Variants in GRM7 observed in about 807,000 individuals in gnomAD.
GRM7 encodes metabotropic glutamate receptor 7.
Under a neutral mutation model 84.5 loss-of-function variants are expected in GRM7, and 35 were observed. The observed-to-expected ratio is 0.41, with a 90% CI of 0.32 to 0.55. GRM7 has a LOEUF of 0.55. GRM7 is among the 20% of genes least tolerant of loss of function. GRM7 has a pLI of 0.19. For synonymous variants in GRM7, 487 were observed against 455.1 expected, an observed-to-expected ratio of 1.07 and a Z score of -0.89; for missense variants, 1,003 against 1,194.6, an observed-to-expected ratio of 0.84 and a Z score of 2.36.
intron 4 of GRM7, among the ~76,000 whole-genome samples, chr3:7,407,945 A>G (rs1407809422): frequency 2.6e-5 from 4 of 152,194 alleles, no homozygotes; most frequent in African/African-American, 7.2e-5. Context: ...GTTAGCTTAC[A>G]TTTACACACT....
chr3:7,109,661 G>A (rs142913669), intron 1 of GRM7, among the ~76,000 whole-genome samples: 86 of 152,102 alleles, frequency 5.7e-4, no homozygotes, highest in Non-Finnish European at 7.9e-4. Context: ...TTTTCATTTC[G>A]TCCGCTATAG....
At chr3:7,250,537 A>G (rs372976555) in intron 2 of GRM7, among the ~76,000 whole-genome samples, 151,520 of 151,526 alleles carry the variant, frequency 1, 75,757 homozygotes, top group Middle Eastern at 1. Flanking sequence ...TTTGGAAAAA[A>G]TCCAAAAAAA....
intron 4 of GRM7, among the ~76,000 whole-genome samples, chr3:7,353,392 G>A (rs568290074): frequency 5.3e-4 from 80 of 152,114 alleles, no homozygotes; most frequent in African/African-American, 1.8e-3. Context: ...TATTGATATG[G>A]GCCCACTAAA....
intron 1 of GRM7, among the ~76,000 whole-genome samples, chr3:6,945,258 T>G (rs2048963473): frequency 7.4e-6 from 1 of 135,258 alleles, no homozygotes; most frequent in Non-Finnish European, 1.5e-5. Context: ...TTCCCCTTCC[T>G]GTGTCCATGT....
At position 7,726,463 on chromosome 3, in the gene GRM7, C is replaced by G. The variant is rs183021447; in HGVS notation, c.2699-13894C>G. Among the ~76,000 whole-genome samples, 474 of 151,250 alleles carry G rather than the reference C, an allele frequency of 3.1e-3. 4 individuals carry two copies. Among genetic ancestry groups the G allele is most frequent in the African/African-American group, 0.01 (422 of 41,232 alleles). On this transcript the variant is annotated intron_variant, in intron 9 of 9. Transcript: ENST00000357716. ...AAAATGTAAAAAACATTTAATTCAA[C>G]TACCCTAATAGAGCTTTATAAATCA... is the stretch of plus-strand genomic sequence containing the variant.
intron 1 of GRM7, among the ~76,000 whole-genome samples, chr3:6,978,665 G>A (rs1474615691): frequency 6.6e-6 from 1 of 152,152 alleles, no homozygotes; most frequent in African/African-American, 2.4e-5. Flanking sequence ...GTGAGTGGGG[G>A]AGATGATGAC....
At chr3:7,545,623 T>G (rs1297209748) in intron 7 of GRM7, among the ~76,000 whole-genome samples, 1 of 152,110 alleles carries the variant, frequency 6.6e-6, no homozygotes, top group Non-Finnish European at 1.5e-5. Context: ...CTCAGGAATG[T>G]GAACACGAGA....
At chr3:7,248,556 A>G (rs1697860288) in intron 2 of GRM7, among the ~76,000 whole-genome samples, 1 of 152,050 alleles carries the variant, frequency 6.6e-6, no homozygotes, top group South Asian at 2.1e-4. Context: ...CTTATTGAAC[A>G]TTTTACTTAA....
chr3:7,646,826 A>C (rs893994714), intron 8 of GRM7, among the ~76,000 whole-genome samples: 1 of 152,234 alleles, frequency 6.6e-6, no homozygotes, highest in Non-Finnish European at 1.5e-5. Context: ...GTCTAAAGGA[A>C]GTAATTCCAC....
Position 7,573,402 on chromosome 3 carries a change from A to T in GRM7, c.1516-5020A>T, listed in dbSNP as rs145906914. Among the ~76,000 whole-genome samples, 4 of 152,298 alleles carry T rather than the reference A, an allele frequency of 2.6e-5. No homozygotes were observed. In the East Asian group the frequency reaches 5.8e-4, roughly 22 times the overall value. ...GGAAATATGCAAATGGAATTTCACCAAGAAAAATATCCCTGAAGTGATAAA... is the reference window on the plus strand; with the variant it reads ...GGAAATATGCAAATGGAATTTCACCTAGAAAAATATCCCTGAAGTGATAAA... On this transcript the variant is annotated intron_variant, in intron 7 of 9. Coordinates refer to ENST00000357716, the MANE Select transcript of GRM7 (RefSeq NM_000844.4).
rs145261173 is a variant in GRM7, at chr3:7,225,030, A to G, written c.737-73654A>G. On this transcript the variant is annotated intron_variant, in intron 2 of 9. Coordinates refer to ENST00000357716, the MANE Select transcript of GRM7 (RefSeq NM_000844.4). ...TCTAGTTTTATAGCTATTTAATATA[A>G]TATTTAGTCTGTGCAGCATAATATA... Among the ~76,000 whole-genome samples, 960 of 152,256 alleles carry G rather than the reference A, an allele frequency of 6.3e-3. 2 individuals carry two copies. The highest frequency in any genetic ancestry group is 0.013 in the Admixed American group (198 of 15,280).
intron 7 of GRM7, among the ~76,000 whole-genome samples, chr3:7,546,717 A>G (rs1374972687): frequency 6.6e-6 from 1 of 152,026 alleles, no homozygotes; most frequent in Non-Finnish European, 1.5e-5. Flanking sequence ...TTTCTTACAG[A>G]CAAGCTGAGT....
At chr3:7,668,755 G>GAGAT (rs1322441393) in intron 8 of GRM7, among the ~76,000 whole-genome samples, 2 of 152,242 alleles carry the variant, frequency 1.3e-5, no homozygotes, top group African/African-American at 4.8e-5. Context: ...CATGAACTGA[G>GAGAT]AGATAGAAGT....
chr3:7,066,311 A>G (rs1697659827), intron 1 of GRM7, among the ~76,000 whole-genome samples: 1 of 151,920 alleles, frequency 6.6e-6, no homozygotes, highest in African/African-American at 2.4e-5. Flanking sequence ...AGAAAATCCA[A>G]CTAACCTCAC....
intron 9 of GRM7, among the ~76,000 whole-genome samples, chr3:7,701,532 T>C (rs538211978): frequency 5.4e-4 from 82 of 152,222 alleles, no homozygotes; most frequent in Non-Finnish European, 2.9e-5. Flanking sequence ...CTCGATCTCC[T>C]GACCTCGTGA....
chr3:6,947,434 G>A lies in GRM7; in HGVS notation c.519+85527G>A, dbSNP rs577105497. Among the ~76,000 whole-genome samples the A allele has an allele frequency of 5.3e-5, 8 of 152,236 alleles. No individual in the cohort carries two copies. The East Asian group carries it at 1.5e-3, about 29-fold the overall frequency. On this transcript the variant is annotated intron_variant, in intron 1 of 9. Coordinates refer to ENST00000357716, the MANE Select transcript of GRM7 (RefSeq NM_000844.4). ...GATCATGGTGGATAAGCTTTTTGAT[G>A]TGCTGCTGGATTCGGTTTGCCAGTA... is the stretch of plus-strand genomic sequence containing the variant.
At chr3:7,229,384 T>C (rs1045100637) in intron 2 of GRM7, among the ~76,000 whole-genome samples, 23 of 152,050 alleles carry the variant, frequency 1.5e-4, no homozygotes, top group African/African-American at 5.5e-4. Flanking sequence ...TTCCTTATTA[T>C]AGCTGAGGAA....
chr3:7,654,363 T>A (rs1699087079), intron 8 of GRM7, among the ~76,000 whole-genome samples: 1 of 152,154 alleles, frequency 6.6e-6, no homozygotes, highest in African/African-American at 2.4e-5. Context: ...TTGGGTGACA[T>A]CTTTAGCCCC....
At chr3:7,168,919 A>G (rs1220275661) in intron 2 of GRM7, among the ~76,000 whole-genome samples, 1 of 152,230 alleles carries the variant, frequency 6.6e-6, no homozygotes, top group African/African-American at 2.4e-5. Flanking sequence ...ATAAAGGAAG[A>G]AAAGAATGAG....
Sources: gnomAD v4.1 joint callset for allele counts (sites outside exome capture counted in the v4.1 genomes callset) on GRCh38, gnomAD v4.1.1 for gene constraint, MANE v1.5 for transcripts, NCBI Gene and HGNC (gene_info 2026-07-23, HGNC 2026-07-21) for gene names.